Variants in RSPRY1 observed in about 807,000 individuals in gnomAD.
RSPRY1 encodes the protein ring finger and SPRY domain containing 1.
A neutral mutation model predicts 73.1 loss-of-function variants in RSPRY1; 23 were observed. The ratio of observed to expected loss-of-function variants is 0.31; its 90% CI spans 0.23 to 0.45. The LOEUF (loss-of-function observed/expected upper bound fraction) is 0.45. RSPRY1 is among the 20% of genes least tolerant of loss of function. The probability of loss-of-function intolerance (pLI) is 1.00; values close to 1 mark genes in which losing one functional copy is unlikely to be tolerated. For missense variants in RSPRY1, 448 were observed against 698.7 expected (o/e 0.64, Z 4.05); for synonymous variants, 226 against 251.4 (o/e 0.90, Z 0.95).
rs182042430 is a variant in RSPRY1, at chr16:57,200,417, T to G, written c.-155-4087T>G. Among the ~76,000 whole-genome samples, 572 of 152,306 alleles carry G rather than the reference T, an allele frequency of 3.8e-3. 5 individuals are homozygous for G. The highest frequency in any genetic ancestry group is 0.013 in the African/African-American group (548 of 41,584). ...TCATAGCCCATTCTCAATGAGCTGTTGAGTACATCTCCCAGACGGGGTGGT... is the reference window on the plus strand; with the variant it reads ...TCATAGCCCATTCTCAATGAGCTGTGGAGTACATCTCCCAGACGGGGTGGT... On this transcript the variant is annotated intron_variant, in intron 1 of 14. Transcript: ENST00000394420.
chr16:57,217,112 C>A (rs1346100742), intron 8 of RSPRY1, 77 bp downstream of exon 8: 1 of 1,539,136 alleles, frequency 6.5e-7, no homozygotes, highest in African/African-American at 1.4e-5. Context: ...CACTGGTCTT[C>A]CTTTTGCAAT....
intron 1 of RSPRY1, among the ~76,000 whole-genome samples, chr16:57,196,032 AAAATATAT>A (rs2074439255): frequency 2.0e-5 from 1 of 49,032 alleles, no homozygotes; most frequent in Non-Finnish European, 5.3e-5. Context: ...AAAAAAAAAA[AAAATATAT>A]ATATATATAT....
intron 2 of RSPRY1, chr16:57,205,296 T>C (rs1043152388): frequency 1.2e-5 from 4 of 347,564 alleles, no homozygotes; most frequent in Admixed American, 4.0e-5. Context: ...AGTGAGTTTA[T>C]GTTGCTAGCT....
chr16:57,200,178 C>T (rs1461812845), intron 1 of RSPRY1, among the ~76,000 whole-genome samples: 2 of 148,990 alleles, frequency 1.3e-5, no homozygotes, highest in Non-Finnish European at 3.0e-5. Context: ...TCCATTCAAC[C>T]CTGAGTGGAC....
chr16:57,235,075 ACAGGAC>A, intron 13 of RSPRY1, 43 bp from the exon 14 acceptor site: 2 of 1,348,222 alleles, frequency 1.5e-6, no homozygotes, highest in South Asian at 2.4e-5. Context: ...ATCACTGCTA[ACAGGAC>A]CCCTGTTGAC....
chr16:57,192,161 T>A (rs2146158528), intron 1 of RSPRY1, among the ~76,000 whole-genome samples: 1 of 152,318 alleles, frequency 6.6e-6, no homozygotes, highest in Non-Finnish European at 1.5e-5. Flanking sequence ...AGTATGAGTG[T>A]TTTAGACATC....
intron 1 of RSPRY1, among the ~76,000 whole-genome samples, chr16:57,191,297 G>A (rs746965612): frequency 2.6e-5 from 4 of 152,036 alleles, no homozygotes; most frequent in Non-Finnish European, 4.4e-5. Context: ...AGTTTTTATT[G>A]CTTCATAGTT....
At chr16:57,187,541 A>G (rs2074255452) in intron 1 of RSPRY1, among the ~76,000 whole-genome samples, 1 of 152,226 alleles carries the variant, frequency 6.6e-6, no homozygotes, top group South Asian at 2.1e-4. Context: ...TCTCTACTGT[A>G]AAATAACCAG....
At chr16:57,216,307 C>A in intron 7 of RSPRY1, 134 bp downstream of exon 7, 3 of 657,000 alleles carry the variant, frequency 4.6e-6, no homozygotes, top group Middle Eastern at 2.5e-4. Flanking sequence ...TCTGGATAGA[C>A]ACGTTAAAGC....
intron 5 of RSPRY1, 21 bp downstream of exon 5, chr16:57,213,119 A>C (rs778712773): frequency 3.2e-5 from 52 of 1,600,838 alleles, no homozygotes; most frequent in Non-Finnish European, 4.1e-5. Flanking sequence ...GACACTCCAC[A>C]GTGGAAGATC....
In RSPRY1 at chr16:57,221,309, G is replaced by T. The variant is rs1347706566; in HGVS notation, c.1055G>T (p.Cys352Phe). 1 of 1,614,062 alleles carries T rather than the reference G, an allele frequency of 6.2e-7. No homozygotes were observed. Among genetic ancestry groups the T allele is most frequent in the Non-Finnish European group, 8.5e-7 (1 of 1,180,024 alleles). Reference protein sequence around the residue: ...CDASSFESVRCTFCVDAGVWY... With the variant: ...CDASSFESVRFTFCVDAGVWY... ...GCCTCCTCTTTTGAAAGTGTGCGTTGCACCTTTTGTGTGGATGCCGGGGTA... is the reference window on the plus strand; with the variant it reads ...GCCTCCTCTTTTGAAAGTGTGCGTTTCACCTTTTGTGTGGATGCCGGGGTA... Residue 352 changes from cysteine (C) to phenylalanine (F), a missense_variant, in exon 10 of 15, where the codon TGC becomes TTC. Transcript: ENST00000394420.
chr16:57,188,899 G>T (rs2074299737), intron 1 of RSPRY1, among the ~76,000 whole-genome samples: 1 of 151,342 alleles, frequency 6.6e-6, no homozygotes, highest in Admixed American at 6.6e-5. Context: ...TATAACTGGT[G>T]ATTGTGAGTT....
Position 57,230,707 on chromosome 16 carries a change from C to T in RSPRY1, c.1274-4C>T. On this transcript the variant is annotated splice_polypyrimidine_tract_variant and splice_region_variant and intron_variant, in intron 11 of 14. Coordinates refer to ENST00000394420, the MANE Select transcript of RSPRY1 (RefSeq NM_133368.3). ...TCCTAACAGTGTTTCTCTTTATCCT[C>T]TAGGAGATACAGTAGGATTTCTGTT... The T allele has an allele frequency of 6.6e-7, 1 of 1,513,066 alleles. No homozygotes were observed. The highest frequency in any genetic ancestry group is 9.2e-7 in the Non-Finnish European group (1 of 1,089,860). 93.7% of individuals were successfully genotyped at this position (1,513,066 alleles called of 1,614,324 possible).
chr16:57,221,525 T>C, intron 10 of RSPRY1, 110 bp downstream of exon 10: 11 of 1,207,912 alleles, frequency 9.1e-6, no homozygotes, highest in Non-Finnish European at 1.2e-5. Flanking sequence ...CAATAATCTT[T>C]TCTTGGGCAG....
intron 14 of RSPRY1, among the ~76,000 whole-genome samples, chr16:57,237,440 A>G (rs2075316625): frequency 6.6e-6 from 1 of 152,132 alleles, no homozygotes; most frequent in Non-Finnish European, 1.5e-5. Context: ...CACCATGCCC[A>G]GCCTACAATA....
chr16:57,223,535 T>A (rs1360340735), intron 10 of RSPRY1, among the ~76,000 whole-genome samples: 1 of 152,162 alleles, frequency 6.6e-6, no homozygotes, highest in Non-Finnish European at 1.5e-5. Flanking sequence ...ATCCCAGCAC[T>A]TTGGGAGGCT....
At chr16:57,187,494 C>G (rs1402484131) in intron 1 of RSPRY1, among the ~76,000 whole-genome samples, 3 of 152,212 alleles carry the variant, frequency 2.0e-5, no homozygotes, top group African/African-American at 4.8e-5. Flanking sequence ...TACCTACCAT[C>G]TGTTCTTGCT....
In RSPRY1 at chr16:57,240,374, A is replaced by G. The variant is rs965324060; in HGVS notation, c.*1399A>G. On this transcript the variant is annotated 3_prime_UTR_variant, in exon 15 of 15. Coordinates refer to ENST00000394420, the MANE Select transcript of RSPRY1 (RefSeq NM_133368.3). ...ACACACACACAAAAAATATATATAT[A>G]TATAAATATATATGTAGGATACATG... The G allele has an allele frequency of 1.3e-5, 2 of 151,406 alleles. No individual in the cohort carries two copies. The highest frequency in any genetic ancestry group is 4.8e-5 in the African/African-American group (2 of 41,290). The allele number at this position is 151,406 out of a possible 1,614,324, so 9.4% of individuals were successfully genotyped here. A position where few individuals can be genotyped will look rare whatever the true frequency, so the allele number is the denominator to read the frequency against.
At chr16:57,231,365 A>T in intron 13 of RSPRY1, 46 bp downstream of exon 13, 1 of 1,538,880 alleles carries the variant, frequency 6.5e-7, no homozygotes, top group Non-Finnish European at 8.8e-7. Flanking sequence ...CATGAATCTT[A>T]TGAGAAATTA....
Sources: gnomAD v4.1 joint callset for allele counts (sites outside exome capture counted in the v4.1 genomes callset) on GRCh38, gnomAD v4.1.1 for gene constraint, MANE v1.5 for transcripts, NCBI Gene and HGNC (gene_info 2026-07-23, HGNC 2026-07-21) for gene names.